Variants in APC observed in about 807,000 individuals in gnomAD.
The protein encoded by APC is APC regulator of Wnt signaling pathway.
A neutral mutation model predicts 247.0 loss-of-function variants in APC; 72 were observed. The observed-to-expected ratio is 0.29, with a 90% confidence interval of 0.24 to 0.35. APC has a LOEUF of 0.35. APC is among the 10% of genes least tolerant of loss of function. The pLI, the probability that APC is intolerant of heterozygous loss-of-function variation, is 1.00. For missense variants in APC, 3,400 were observed against 3,360.7 expected (o/e 1.01, Z -0.29); for synonymous variants, 1,254 against 1,162.5 (o/e 1.08, Z -1.60).
At chr5:112,772,584 T>A (rs1757179148) in intron 4 of APC, among the ~76,000 whole-genome samples, 1 of 151,880 alleles carries the variant, frequency 6.6e-6, no homozygotes, top group Non-Finnish European at 1.5e-5. Flanking sequence ...TGGCACGATC[T>A]TGGCTCACTG....
At chr5:112,814,465 C>T (rs766911829) in intron 8 of APC, among the ~76,000 whole-genome samples, 3 of 152,154 alleles carry the variant, frequency 2.0e-5, no homozygotes, top group South Asian at 2.1e-4. Flanking sequence ...AAGTTGTCCT[C>T]GACTCCCAGC....
chr5:112,824,177 C>T (rs975637799), intron 11 of APC, among the ~76,000 whole-genome samples: 4 of 152,172 alleles, frequency 2.6e-5, no homozygotes, highest in East Asian at 1.9e-4. Flanking sequence ...GGCAATAGTC[C>T]GGTCTATTTA....
chr5:112,766,002 GTC>G (rs1182068362), intron 2 of APC, among the ~76,000 whole-genome samples: 1 of 152,128 alleles, frequency 6.6e-6, no homozygotes, highest in African/African-American at 2.4e-5. Flanking sequence ...ACTTGAGCAA[GTC>G]TCTGGGTCTC....
At chr5:112,768,283 T>C (rs768070639) in intron 4 of APC, among the ~76,000 whole-genome samples, 49 of 151,478 alleles carry the variant, frequency 3.2e-4, no homozygotes, top group Non-Finnish European at 5.5e-4. Context: ...CCTTAGGTGA[T>C]TCCCCCCTGC....
intron 7 of APC, 130 bp downstream of exon 7, chr5:112,792,659 T>C: frequency 1.5e-6 from 1 of 687,198 alleles, no homozygotes; most frequent in Non-Finnish European, 2.5e-6. Flanking sequence ...ATACCGTAAT[T>C]TTTTTCGTGA....
intron 1 of APC, among the ~76,000 whole-genome samples, chr5:112,742,625 G>A (rs1490057029): frequency 6.6e-6 from 1 of 152,170 alleles, no homozygotes; most frequent in African/African-American, 2.4e-5. Flanking sequence ...TGTCACGTGG[G>A]CCTCTCCATG....
At chr5:112,737,749 G>C, upstream of APC, 1 of 783,970 alleles carries the variant, frequency 1.3e-6, no homozygotes, top group South Asian at 5.7e-5. Flanking sequence ...GTCGGGAAGC[G>C]GAGAGAGAAG....
chr5:112,735,980 G>T (rs551201532), upstream of APC, among the ~76,000 whole-genome samples: 3 of 152,242 alleles, frequency 2.0e-5, no homozygotes, highest in East Asian at 5.8e-4. Context: ...AGAGTAATAG[G>T]CTTACAATTG....
Position 112,844,236 on chromosome 5 carries a change from G to T in APC, c.*110G>T. 9.5e-7 allele frequency: 1 copy of T among 1,052,118 alleles called. No homozygotes were observed. Among genetic ancestry groups the T allele is most frequent in the Non-Finnish European group, 1.4e-6 (1 of 725,728 alleles). The allele number at this position is 1,052,118 out of a possible 1,614,324, so 65.2% of individuals were successfully genotyped here. ...ACTGAAAAATTTTGTAAATAGGTTTGATTCTTGTTAGAGGGTTTTTGTTCT... is the reference window on the plus strand; with the variant it reads ...ACTGAAAAATTTTGTAAATAGGTTTTATTCTTGTTAGAGGGTTTTTGTTCT... On this transcript the variant is annotated 3_prime_UTR_variant, in exon 16 of 16. Transcript: ENST00000257430.
intron 9 of APC, among the ~76,000 whole-genome samples, chr5:112,816,917 G>A (rs1762572789): frequency 6.6e-6 from 1 of 151,706 alleles, no homozygotes; most frequent in Non-Finnish European, 1.5e-5. Context: ...TGCCCAGGCT[G>A]TAGTGCAGTG....
chr5:112,762,864 T>C (rs1291501300), intron 2 of APC, among the ~76,000 whole-genome samples: 1 of 152,216 alleles, frequency 6.6e-6, no homozygotes, highest in African/African-American at 2.4e-5. Context: ...CAGTTTTTAT[T>C]GTGGAATAGC....
chr5:112,775,221 C>T (rs574956933), intron 4 of APC, among the ~76,000 whole-genome samples: 1 of 152,104 alleles, frequency 6.6e-6, no homozygotes, highest in Non-Finnish European at 1.5e-5. Flanking sequence ...GTAATAGCTT[C>T]TTATATTCTG....
chr5:112,744,953 C>G (rs1264267575), intron 1 of APC, among the ~76,000 whole-genome samples: 1 of 152,076 alleles, frequency 6.6e-6, no homozygotes, highest in African/African-American at 2.4e-5. Flanking sequence ...TTTTTCTTAA[C>G]TCAAAAATGA....
At position 112,840,014 on chromosome 5, in the gene APC, G is replaced by A. The variant is rs139387758; in HGVS notation, c.4420G>A (p.Ala1474Thr). The change falls in exon 16 of 16, where the codon GCT becomes ACT. Residue 1474 changes from alanine (A) to threonine (T), a missense_variant. Physicochemically the swap from Ala to Thr is moderately conservative, Grantham distance 58. This residue lies in a region of APC where 1,788 missense variants were observed against 1,649.5 expected (regional missense o/e 1.08). Transcript: ENST00000257430. The surrounding 1 kb of genome is among the most constrained non-coding windows in gnomAD (Gnocchi z 4.1). ...ESGPKQAAVN[A>T]AVQRVQVLPD... The stretch of plus-strand genomic sequence containing the variant: ...TGGACCTAAGCAAGCTGCAGTAAAT[G>A]CTGCAGTTCAGAGGGTCCAGGTTCT... The A allele has an allele frequency of 5.6e-4, 905 of 1,614,130 alleles. 8 individuals are homozygous for A. The African/African-American group carries it at 0.011, about 20-fold the overall frequency.
At chr5:112,799,183 C>CAA (rs754181440) in intron 7 of APC, among the ~76,000 whole-genome samples, 4,566 of 79,248 alleles carry the variant, frequency 0.058, 289 homozygotes, top group African/African-American at 0.15. Context: ...GACTCTGTCT[C>CAA]AAAAAAAAAA....
At chr5:112,757,600 G>A (rs1198794497) in intron 2 of APC, among the ~76,000 whole-genome samples, 6 of 152,046 alleles carry the variant, frequency 3.9e-5, no homozygotes, top group African/African-American at 7.2e-5. Flanking sequence ...CAGGTGTGGC[G>A]TATATCTGTG....
At chr5:112,765,712 G>A (rs1303974410) in intron 2 of APC, among the ~76,000 whole-genome samples, 1 of 152,064 alleles carries the variant, frequency 6.6e-6, no homozygotes. Context: ...AAAACTGGTA[G>A]AAAATGAAAA....
rs1765188960 is a variant in APC, at chr5:112,838,061, T to C, written c.2467T>C (p.Ser823Pro). The change falls in exon 16 of 16, where the codon TCA becomes CCA. Residue 823 changes from serine (S) to proline (P), a missense_variant. By Grantham distance (74) the Ser-to-Pro change is moderately conservative. Coordinates refer to ENST00000257430, the MANE Select transcript of APC (RefSeq NM_000038.6). ...TAATACTGGCAACATGACTGTCCTTTCACCATATTTGAATACTACAGTGTT... is the reference window on the plus strand; with the variant it reads ...TAATACTGGCAACATGACTGTCCTTCCACCATATTTGAATACTACAGTGTT... The part of the protein sequence containing the change: ...NFNTGNMTVL[S>P]PYLNTTVLPS... 12 of 1,614,190 alleles carry C rather than the reference T, an allele frequency of 7.4e-6. No homozygotes were observed. The highest frequency in any genetic ancestry group is 1.0e-5 in the Non-Finnish European group (12 of 1,180,028).
chr5:112,748,082 C>G (rs1036717887), intron 1 of APC, among the ~76,000 whole-genome samples: 3 of 152,046 alleles, frequency 2.0e-5, no homozygotes, highest in Non-Finnish European at 4.4e-5. Flanking sequence ...ATTATCTGGC[C>G]CTTACAGAAA....
Sources: allele counts gnomAD v4.1 joint callset (sites outside exome capture counted in the v4.1 genomes callset), GRCh38; gene constraint gnomAD v4.1.1; regional missense constraint gnomAD v4.1.1; non-coding constraint Gnocchi (gnomAD v3.1); transcripts MANE v1.5; gene names NCBI Gene and HGNC (gene_info 2026-07-23, HGNC 2026-07-21).